The following ZNF804B variants were observed in gnomAD, a reference collection of about 807,000 sequenced individuals.
The protein encoded by ZNF804B is zinc finger 804B.
Under a neutral mutation model 101.4 loss-of-function variants are expected in ZNF804B, and 80 were observed. The observed-to-expected ratio is 0.79, with a 90% CI of 0.66 to 0.95. The LOEUF is 0.95. ZNF804B is among the 40% of genes least tolerant of loss of function. The pLI is 0.00. For synonymous variants in ZNF804B, 622 were observed against 558.8 expected, an observed-to-expected ratio of 1.11 and a Z score of -1.59; for missense variants, 1,673 against 1,561.9, an observed-to-expected ratio of 1.07 and a Z score of -1.20.
At chr7:88,954,170 G>A (rs1419567887) in intron 1 of ZNF804B, among the ~76,000 whole-genome samples, 4 of 151,548 alleles carry the variant, frequency 2.6e-5, no homozygotes, top group Non-Finnish European at 4.4e-5. Flanking sequence ...ACAATTTTTT[G>A]AGTTTTCAGT....
intron 2 of ZNF804B, among the ~76,000 whole-genome samples, chr7:89,219,989 G>GTATACATGTATATGCACA (rs1257517964): frequency 7.3e-6 from 1 of 137,874 alleles, no homozygotes; most frequent in African/African-American, 2.9e-5. Context: ...ACATATGTGT[G>GTATACATGTATATGCACA]CATATATGTA....
At chr7:89,006,958 A>G (rs1788376084) in intron 1 of ZNF804B, among the ~76,000 whole-genome samples, 2 of 152,104 alleles carry the variant, frequency 1.3e-5, no homozygotes, top group South Asian at 4.1e-4. Context: ...AGGTGGCTTG[A>G]CCAGCAGATG....
At chr7:88,876,754 A>G (rs1791945585) in intron 1 of ZNF804B, among the ~76,000 whole-genome samples, 1 of 151,766 alleles carries the variant, frequency 6.6e-6, no homozygotes, top group Non-Finnish European at 1.5e-5. Flanking sequence ...TAAAAGCAAT[A>G]ACTAGCTCAT....
intron 2 of ZNF804B, among the ~76,000 whole-genome samples, chr7:89,282,280 A>G (rs560458063): frequency 2.7e-4 from 41 of 152,092 alleles, no homozygotes; most frequent in Middle Eastern, 3.4e-3. Flanking sequence ...ATCCCAGCCT[A>G]TGGAAGCTAC....
chr7:89,046,944 T>G (rs961311800), intron 1 of ZNF804B, among the ~76,000 whole-genome samples: 1 of 152,200 alleles, frequency 6.6e-6, no homozygotes, highest in Non-Finnish European at 1.5e-5. Context: ...TAGCTTTCTA[T>G]AACCTTACCT....
At chr7:88,971,908 A>T (rs1332984253) in intron 1 of ZNF804B, among the ~76,000 whole-genome samples, 1 of 151,462 alleles carries the variant, frequency 6.6e-6, no homozygotes, top group Non-Finnish European at 1.5e-5. Context: ...GTAGGACTCC[A>T]TTTACTGTTT....
chr7:88,848,664 T>G (rs539155793), intron 1 of ZNF804B, among the ~76,000 whole-genome samples: 1 of 150,160 alleles, frequency 6.7e-6, no homozygotes, highest in African/African-American at 2.5e-5. Flanking sequence ...GTTTTAGAAA[T>G]TACGGACTTG....
At chr7:89,313,943 A>T (rs1028152181) in intron 2 of ZNF804B, among the ~76,000 whole-genome samples, 3 of 152,090 alleles carry the variant, frequency 2.0e-5, no homozygotes, top group Non-Finnish European at 1.5e-5. Flanking sequence ...AAGTCCCTTT[A>T]AAAAAATCTA....
chr7:89,027,549 C>T (rs544745329), intron 1 of ZNF804B, among the ~76,000 whole-genome samples: 1 of 152,276 alleles, frequency 6.6e-6, no homozygotes, highest in East Asian at 1.9e-4. Context: ...TTCAGTAAAA[C>T]TACAGACACT....
chr7:89,277,247 G>A (rs2115855741), intron 2 of ZNF804B, among the ~76,000 whole-genome samples: 1 of 149,988 alleles, frequency 6.7e-6, no homozygotes, highest in South Asian at 2.1e-4. Context: ...AAACATTTGT[G>A]AGTATATTTA....
At chr7:89,243,110 T>G (rs1789393643) in intron 2 of ZNF804B, among the ~76,000 whole-genome samples, 1 of 151,844 alleles carries the variant, frequency 6.6e-6, no homozygotes, top group Admixed American at 6.6e-5. Flanking sequence ...TTAATCTTCT[T>G]ATATAATCAC....
chr7:89,314,490 T>C (rs1195774897), intron 2 of ZNF804B, among the ~76,000 whole-genome samples: 1 of 152,200 alleles, frequency 6.6e-6, no homozygotes, highest in Non-Finnish European at 1.5e-5. Flanking sequence ...AAGCATTCTT[T>C]GCACATCCTG....
At chr7:88,866,378 C>T (rs1184259441) in intron 1 of ZNF804B, among the ~76,000 whole-genome samples, 1 of 152,090 alleles carries the variant, frequency 6.6e-6, no homozygotes, top group Non-Finnish European at 1.5e-5. Context: ...GGGTTTATAA[C>T]TTGTCTTGGT....
At chr7:88,922,187 G>A (rs757494019) in intron 1 of ZNF804B, among the ~76,000 whole-genome samples, 4 of 151,998 alleles carry the variant, frequency 2.6e-5, no homozygotes, top group Non-Finnish European at 5.9e-5. Context: ...AAGTTAATAT[G>A]CAAAGTAAAG....
intron 2 of ZNF804B, among the ~76,000 whole-genome samples, chr7:89,279,690 C>T: frequency 6.6e-6 from 1 of 152,076 alleles, no homozygotes. Context: ...CCTTGCATCC[C>T]AGGGATGAAG....
intron 1 of ZNF804B, among the ~76,000 whole-genome samples, chr7:89,189,252 C>T (rs556155075): frequency 6.6e-6 from 1 of 152,126 alleles, no homozygotes; most frequent in African/African-American, 2.4e-5. Context: ...CACTGTTGAG[C>T]CCTATTACTC....
intron 1 of ZNF804B, among the ~76,000 whole-genome samples, chr7:89,071,694 G>T (rs1447739950): frequency 6.6e-6 from 1 of 151,620 alleles, no homozygotes; most frequent in Non-Finnish European, 1.5e-5. Flanking sequence ...TTTAACAAAA[G>T]GAAATATGCT....
chr7:89,285,876 T>G (rs1286128783), intron 2 of ZNF804B, among the ~76,000 whole-genome samples: 1 of 152,172 alleles, frequency 6.6e-6, no homozygotes, highest in Non-Finnish European at 1.5e-5. Context: ...CCTCCACCTC[T>G]TTTGCCTCTG....
At chr7:89,007,714 A>G (rs1788391656) in intron 1 of ZNF804B, among the ~76,000 whole-genome samples, 2 of 149,868 alleles carry the variant, frequency 1.3e-5, no homozygotes, top group African/African-American at 2.4e-5. Flanking sequence ...TGTTGACAGC[A>G]TGGAACAAAA....
Sources: gnomAD v4.1 joint callset for allele counts (sites outside exome capture counted in the v4.1 genomes callset) on GRCh38, gnomAD v4.1.1 for gene constraint, MANE v1.5 for transcripts, NCBI Gene and HGNC (gene_info 2026-07-23, HGNC 2026-07-21) for gene names.